The following GPHN variants were observed in gnomAD, a reference collection of about 807,000 sequenced individuals.
GPHN encodes the protein gephyrin.
A neutral mutation model predicts 95.5 loss-of-function variants in GPHN; 17 were observed. That is an observed-to-expected ratio of 0.18 (90% CI 0.12 to 0.27). The LOEUF (loss-of-function observed/expected upper bound fraction) is 0.27, where lower values mean the gene tolerates loss of function less well. GPHN is among the 10% of genes least tolerant of loss of function. The pLI is 1.00. For synonymous variants in GPHN, 320 were observed against 322.5 expected, an observed-to-expected ratio of 0.99 and a Z score of 0.08; for missense variants, 660 against 978.1, an observed-to-expected ratio of 0.67 and a Z score of 4.34.
At chr14:67,643,852 TAAAAAAAAAAAAAAAAA>T in the GPHN span, among the ~76,000 whole-genome samples, 14 of 81,214 alleles carry the variant, frequency 1.7e-4, no homozygotes, top group African/African-American at 5.0e-4. Context: ...TCCTTGGGAG[TAAAAAAAAAAAAAAAAA>T]AAAAAAAAAA....
chr14:66,898,094 T>C (rs1031309739), intron 5 of GPHN, among the ~76,000 whole-genome samples: 2 of 152,072 alleles, frequency 1.3e-5, no homozygotes, highest in African/African-American at 4.8e-5. Context: ...TTTTATGTGT[T>C]CTAGAAACCT....
At chr14:67,437,377 T>G in the GPHN span, among the ~76,000 whole-genome samples, 5,248 of 152,206 alleles carry the variant, frequency 0.034, 258 homozygotes, top group East Asian at 0.13. Context: ...CTGCTTCAGA[T>G]AAGATGGTCA....
chr14:67,346,898 T>TA, the GPHN span, among the ~76,000 whole-genome samples: 11 of 152,358 alleles, frequency 7.2e-5, no homozygotes, highest in South Asian at 2.1e-3. Context: ...TTATATTTTT[T>TA]AAATAGCAAG....
intron 1 of GPHN, among the ~76,000 whole-genome samples, chr14:66,532,469 C>T (rs1169179699): frequency 6.6e-6 from 1 of 152,136 alleles, no homozygotes; most frequent in Non-Finnish European, 1.5e-5. Context: ...ATCACTTCTG[C>T]CATTATTCTG....
chr14:67,428,167 C>A, the GPHN span, among the ~76,000 whole-genome samples: 1 of 152,166 alleles, frequency 6.6e-6, no homozygotes, highest in Non-Finnish European at 1.5e-5. Flanking sequence ...GACCCACCCG[C>A]CTCAGCCTCC....
chr14:67,654,727 T>C, the GPHN span, among the ~76,000 whole-genome samples: 7 of 152,110 alleles, frequency 4.6e-5, no homozygotes, highest in Non-Finnish European at 1.0e-4. Context: ...CATTGGTAAA[T>C]TGTACCAATT....
At chr14:67,311,662 G>A in the GPHN span, among the ~76,000 whole-genome samples, 1 of 152,132 alleles carries the variant, frequency 6.6e-6, no homozygotes, top group Non-Finnish European at 1.5e-5. Context: ...TGGAAGAAAT[G>A]GCATACAGAA....
chr14:67,116,507 AT>A (rs1160753013), intron 16 of GPHN, among the ~76,000 whole-genome samples: 1 of 152,124 alleles, frequency 6.6e-6, no homozygotes, highest in African/African-American at 2.4e-5. Flanking sequence ...CCAAAAATCT[AT>A]TGAAATGAAA....
chr14:67,602,533 A>T, the GPHN span, among the ~76,000 whole-genome samples: 2 of 152,232 alleles, frequency 1.3e-5, no homozygotes, highest in Non-Finnish European at 2.9e-5. Flanking sequence ...TAAACCACCC[A>T]TATTTCCATC....
At chr14:67,712,493 C>CAAAAA in the GPHN span, among the ~76,000 whole-genome samples, 226 of 38,752 alleles carry the variant, frequency 5.8e-3, no homozygotes, top group Non-Finnish European at 0.01. Context: ...AAAAAACTTG[C>CAAAAA]AAAAAAAAAA....
chr14:67,587,221 C>T, the GPHN span: 8 of 1,613,776 alleles, frequency 5.0e-6, no homozygotes, highest in Admixed American at 1.2e-4. Context: ...TACCAAGGGG[C>T]CAACGTTGCT....
the GPHN span, among the ~76,000 whole-genome samples, chr14:67,222,663 G>A: frequency 2.0e-5 from 3 of 152,082 alleles, no homozygotes; most frequent in African/African-American, 4.8e-5. Context: ...AGCCTGTAAC[G>A]AACTTTTAAT....
the GPHN span, chr14:67,473,591 G>A: frequency 6.2e-7 from 1 of 1,608,538 alleles, no homozygotes; most frequent in East Asian, 2.2e-5. The surrounding 1 kb of genome is among the most constrained non-coding windows in gnomAD (Gnocchi z 6.5). Flanking sequence ...GGCCCATGAA[G>A]TCAAAGTCGA....
rs1297316359 is a variant in GPHN at position 67,055,369 on chromosome 14, C to A, written c.1007-3280C>A. Among the ~76,000 whole-genome samples the A allele has an allele frequency of 2.6e-5, 4 of 152,134 alleles. No individual in the cohort carries two copies. In the East Asian group the frequency reaches 7.7e-4, roughly 29 times the overall value. ...GCAAATCAAAAACACAATGAGATAC[C>A]ATCTCAGGCCAGTCAGAATGGCAAT... On this transcript the variant is annotated intron_variant, in intron 10 of 22. Coordinates refer to ENST00000478722, the MANE Select transcript of GPHN (RefSeq NM_020806.5).
the GPHN span, among the ~76,000 whole-genome samples, chr14:67,192,811 G>GATATCTATATGTACAGATCTATATAT: frequency 1.4e-5 from 2 of 144,462 alleles, no homozygotes; most frequent in East Asian, 4.0e-4. Context: ...TATAGATATA[G>GATATCTATATGTACAGATCTATATAT]ATATCTATAT....
the GPHN span, among the ~76,000 whole-genome samples, chr14:67,232,279 T>TG: frequency 6.6e-6 from 1 of 152,312 alleles, no homozygotes; most frequent in Admixed American, 6.5e-5. Context: ...TCATTTGCCT[T>TG]GGGGGAAACC....
At chr14:66,908,343 C>T (rs1178863177) in intron 5 of GPHN, among the ~76,000 whole-genome samples, 1 of 151,902 alleles carries the variant, frequency 6.6e-6, no homozygotes, top group Non-Finnish European at 1.5e-5. Flanking sequence ...CAATTGACAT[C>T]TCCCGATGAC....
At chr14:66,634,600 C>T (rs116951949) in intron 1 of GPHN, among the ~76,000 whole-genome samples, 2,029 of 152,108 alleles carry the variant, frequency 0.013, 24 homozygotes, top group Middle Eastern at 0.02. Flanking sequence ...GATTGGCCCT[C>T]GCATCCCTGG....
intron 3 of GPHN, among the ~76,000 whole-genome samples, chr14:66,780,306 G>A (rs746983757): frequency 1.3e-5 from 2 of 152,060 alleles, no homozygotes; most frequent in Admixed American, 6.6e-5. Flanking sequence ...TTGATATTAA[G>A]GTTTGTCCTC....
Sources: allele counts gnomAD v4.1 joint callset (sites outside exome capture counted in the v4.1 genomes callset), GRCh38; gene constraint gnomAD v4.1.1; non-coding constraint Gnocchi (gnomAD v3.1); transcripts MANE v1.5; gene names NCBI Gene and HGNC (gene_info 2026-07-23, HGNC 2026-07-21).